MMRN2: variants seen among roughly 807,000 people sequenced by gnomAD.
MMRN2 encodes multimerin 2, also known as multimerin-2.
Under a neutral mutation model 68.8 loss-of-function variants are expected in MMRN2, and 53 were observed. That is an observed-to-expected ratio of 0.77 (90% CI 0.62 to 0.97). The LOEUF (loss-of-function observed/expected upper bound fraction) is 0.97. MMRN2 is among the 50% of genes least tolerant of loss of function. The probability of loss-of-function intolerance (pLI) is 0.00; values close to 1 mark genes in which losing one functional copy is unlikely to be tolerated. For synonymous variants in MMRN2, 564 were observed against 551.6 expected (o/e 1.02, Z -0.32); for missense variants, 1,266 against 1,259.5 (o/e 1.01, Z -0.08).
intron 6 of MMRN2, among the ~76,000 whole-genome samples, chr10:86,941,669 A>G (rs777267358): frequency 2.0e-5 from 3 of 151,924 alleles, no homozygotes; most frequent in Admixed American, 6.6e-5. Context: ...ATGGTGACAC[A>G]TGCCTGTAAG....
At position 86,942,448 on chromosome 10, in the gene MMRN2, CTGCTCAGCAT is replaced by C; in HGVS notation, c.2326_2335del (p.Met776GlyfsTer64). 6.2e-7 allele frequency: 1 copy of C among 1,614,194 alleles called. No homozygotes were observed. The highest frequency in any genetic ancestry group is 8.5e-7 in the Non-Finnish European group (1 of 1,180,030). ...GTCTTTCTGCTGCTTCTTCCCTTTC[CTGCTCAGCAT>C]GGTCTGCAGCTTCCCCAGGTCCAGG... On this transcript the variant is annotated frameshift_variant, in exon 6 of 7. Coordinates refer to ENST00000372027, the MANE Select transcript of MMRN2 (RefSeq NM_024756.3). LOFTEE classifies it high-confidence loss of function.
Position 86,945,679 on chromosome 10 carries a change from G to A in MMRN2, c.175C>T (p.Pro59Ser). 1 of 1,614,050 alleles carries A rather than the reference G, an allele frequency of 6.2e-7. No individual in the cohort carries two copies. Among genetic ancestry groups the A allele is most frequent in the Non-Finnish European group, 8.5e-7 (1 of 1,180,036 alleles). ...GKDPVGRNWC[P>S]YPMSKLVTLL... is the part of the protein sequence containing the mutation. ...GTGACCAGCTTGGACATTGGGTAGGGGCACCAGTTACTGGAAAACAAGCCA... is the reference window on the plus strand; with the variant it reads ...GTGACCAGCTTGGACATTGGGTAGGAGCACCAGTTACTGGAAAACAAGCCA... Residue 59 changes from proline to serine, a missense_variant, in exon 2 of 7, where the codon CCC becomes TCC. By Grantham distance (74) the Pro-to-Ser change is moderately conservative (BLOSUM62 -1). Coordinates refer to ENST00000372027, the MANE Select transcript of MMRN2 (RefSeq NM_024756.3).
At position 86,955,316 on chromosome 10, in the gene MMRN2, C is replaced by A. The variant is rs370514319; in HGVS notation, c.164+2062G>T. 7.7e-4 allele frequency among the ~76,000 whole-genome samples: 117 copies of A among 152,306 alleles called. 1 individual carries two copies. The highest frequency in any genetic ancestry group is 2.7e-3 in the African/African-American group (114 of 41,570). On this transcript the variant is annotated intron_variant, in intron 1 of 6. Transcript: ENST00000372027. ...GGGCACAGAAACAGCCTCTTCCTCC[C>A]GGAGTCCTAATGCTCAGGCTGCTGG...
At chr10:86,937,210 C>A in intron 6 of MMRN2, 85 bp from the exon 7 acceptor site, 8 of 1,425,840 alleles carry the variant, frequency 5.6e-6, no homozygotes, top group Non-Finnish European at 7.6e-6. Flanking sequence ...CCGTCCTCAC[C>A]TTATTAGCAA....
chr10:86,937,002 G>C lies in MMRN2; in HGVS notation c.2591C>G (p.Ala864Gly), dbSNP rs766427968. ...AAACAGGTAGACACCACGCTCAGGG[G>C]CTCGGAAGTAGCCATGTTCAGGGAA... ...SYFPEHGYFRAPERGVYLFAV... is the reference protein window; with the variant it reads ...SYFPEHGYFRGPERGVYLFAV... The change falls in exon 7 of 7, where the codon GCC becomes GGC. Residue 864 changes from alanine (A) to glycine (G), a missense_variant. Coordinates refer to ENST00000372027, the MANE Select transcript of MMRN2 (RefSeq NM_024756.3). The C allele has an allele frequency of 6.2e-7, 1 of 1,614,110 alleles. No individual in the cohort carries two copies. Among genetic ancestry groups the C allele is most frequent in the African/African-American group, 1.3e-5 (1 of 74,936 alleles).
intron 1 of MMRN2, among the ~76,000 whole-genome samples, chr10:86,953,196 C>A (rs889046640): frequency 6.6e-6 from 1 of 152,012 alleles, no homozygotes; most frequent in Non-Finnish European, 1.5e-5. Flanking sequence ...GTACAGTTAA[C>A]GCAAAATCAC....
Position 86,943,861 on chromosome 10 carries a change from C to T in MMRN2, c.923G>A (p.Arg308Gln), listed in dbSNP as rs376011130. 57 of 1,613,646 alleles carry T rather than the reference C, an allele frequency of 3.5e-5. No individual in the cohort carries two copies. The highest frequency in any genetic ancestry group is 1.0e-4 in the Admixed American group (6 of 60,012). ...QENTQRVGQL[R>Q]QDVEDRLHAQ... ...GTGCAGGCGGTCCTCCACGTCCTGT[C>T]GCAGCTGACCCACTCTCTGAGTGTT... The change falls in exon 6 of 7, where the codon CGA (arginine) becomes CAA (glutamine). Residue 308 changes from arginine (R) to glutamine (Q), a missense_variant. Transcript: ENST00000372027. The surrounding 1 kb of genome is among the most constrained non-coding windows in gnomAD (Gnocchi z 4.2).
rs1554893315 is a variant in MMRN2 at position 86,939,835 on chromosome 10, G to GTT, written c.2467+2481_2467+2482insAA. Among the ~76,000 whole-genome samples, 294 of 132,294 alleles carry GTT rather than the reference G, an allele frequency of 2.2e-3. 3 individuals carry two copies. The highest frequency in any genetic ancestry group is 7.9e-3 in the African/African-American group (280 of 35,290). The allele number at this position is 132,294 out of a possible 152,430, so 86.8% of individuals were successfully genotyped here. ...TGTGTGTGTGTGTGTGTGTGTGTGT[G>GTT]TGTTTGTGTGTGTGTGTGTGTGTGT... On this transcript the variant is annotated intron_variant, in intron 6 of 6. Transcript: ENST00000372027.
chr10:86,957,349 G>C, intron 1 of MMRN2, 29 bp downstream of exon 1: 1 of 1,610,974 alleles, frequency 6.2e-7, no homozygotes, highest in Non-Finnish European at 8.5e-7. Context: ...CCTACTCCAT[G>C]ACCTCTGCCA....
intron 4 of MMRN2, 53 bp from the exon 5 acceptor site, chr10:86,944,488 G>T: frequency 1.3e-6 from 2 of 1,590,812 alleles, no homozygotes; most frequent in Non-Finnish European, 1.7e-6. Flanking sequence ...GGCCTGGGAA[G>T]ATCACAAGGT....
At chr10:86,952,931 G>T (rs953395421) in intron 1 of MMRN2, among the ~76,000 whole-genome samples, 16 of 152,042 alleles carry the variant, frequency 1.1e-4, no homozygotes, top group African/African-American at 3.9e-4. Flanking sequence ...AGACCTCCCC[G>T]CAGGAATGTA....
Position 86,944,432 on chromosome 10 carries a change from T to C in MMRN2, c.485A>G (p.His162Arg), listed in dbSNP as rs1280475121. The C allele has an allele frequency of 6.2e-6, 10 of 1,613,534 alleles. No homozygotes were observed. Among genetic ancestry groups the C allele is most frequent in the Non-Finnish European group, 8.5e-6 (10 of 1,179,992 alleles). The change falls in exon 5 of 7, where the codon CAC becomes CGC. Residue 162 changes from histidine to arginine, a missense_variant. Coordinates refer to ENST00000372027, the MANE Select transcript of MMRN2 (RefSeq NM_024756.3). ...QDGPVSFKPGHLAAVINEVEV... is the reference protein window; with the variant it reads ...QDGPVSFKPGRLAAVINEVEV... ...AACCTCATTGATCACTGCAGCAAGGTGGCCTAAATACACAGCAGACATAAA... is the reference window on the plus strand; with the variant it reads ...AACCTCATTGATCACTGCAGCAAGGCGGCCTAAATACACAGCAGACATAAA...
At position 86,936,827 on chromosome 10, in the gene MMRN2, T is replaced by C. The variant is rs2133672039; in HGVS notation, c.2766A>G (p.Val922=). 6.2e-7 allele frequency: 1 copy of C among 1,614,208 alleles called. No homozygotes were observed. Among genetic ancestry groups the C allele is most frequent in the Non-Finnish European group, 8.5e-7 (1 of 1,180,038 alleles). The change falls in exon 7 of 7, where the codon GTA becomes GTG. Residue 922 remains valine, a synonymous_variant. Transcript: ENST00000372027. ...TTGATCCCTGGGTTAACTCAAACCA[T>C]ACTCGCTCACCCTTCTGCAGCTCAG... ...AMAELQKGER[V]WFELTQGSIT...
chr10:86,947,210 C>A (rs891432941), intron 1 of MMRN2, among the ~76,000 whole-genome samples: 2 of 152,066 alleles, frequency 1.3e-5, no homozygotes, highest in African/African-American at 4.8e-5. Context: ...GAGAAGTGGC[C>A]ACATTTGTGG....
intron 1 of MMRN2, among the ~76,000 whole-genome samples, chr10:86,952,194 G>C (rs1170558017): frequency 2.6e-5 from 4 of 152,324 alleles, no homozygotes; most frequent in African/African-American, 9.6e-5. Context: ...CCAGGAAGGG[G>C]CCAGTGCATC....
intron 4 of MMRN2, among the ~76,000 whole-genome samples, chr10:86,944,930 A>G (rs1179874833): frequency 6.6e-6 from 1 of 152,220 alleles, no homozygotes; most frequent in Admixed American, 6.5e-5. Flanking sequence ...CAGCGGGGCA[A>G]GGAAAGTGCC....
chr10:86,936,359 G>A lies in MMRN2; in HGVS notation c.*384C>T. The A allele has an allele frequency of 2.3e-6, 1 of 441,904 alleles. No homozygotes were observed. Among genetic ancestry groups the A allele is most frequent in the East Asian group, 3.2e-5 (1 of 31,334 alleles). The allele number at this position is 441,904 out of a possible 1,614,324, so 27.4% of individuals were successfully genotyped here. On this transcript the variant is annotated 3_prime_UTR_variant, in exon 7 of 7. Transcript: ENST00000372027. ...TTCTATCATACGATAAGGGAGAAGA[G>A]AAGAGGAAGCAAGAGAAAAGTTTAA...
chr10:86,942,864 G>T lies in MMRN2; in HGVS notation c.1920C>A (p.Ala640=), dbSNP rs1460227594. 2 of 1,414,126 alleles carry T rather than the reference G, an allele frequency of 1.4e-6. No homozygotes were observed. Among genetic ancestry groups the T allele is most frequent in the East Asian group, 5.9e-5 (2 of 33,868 alleles). The allele number at this position is 1,414,126 out of a possible 1,614,324, so 87.6% of individuals were successfully genotyped here. A position where few individuals can be genotyped will look rare whatever the true frequency, so the allele number is the denominator to read the frequency against. The change falls in exon 6 of 7, where the codon GCC becomes GCA. Residue 640 remains alanine, a synonymous_variant. Coordinates refer to ENST00000372027, the MANE Select transcript of MMRN2 (RefSeq NM_024756.3). The part of the protein sequence containing the change: ...LPLSYEQIRV[A]LQDAASGLQE... ...GCAGCCCGCTAGCGGCGTCCTGCAG[G>T]GCCACGCGGATCTGCTCGTAGCTCA...
intron 1 of MMRN2, among the ~76,000 whole-genome samples, chr10:86,952,047 AAAAG>A (rs1844151519): frequency 6.6e-6 from 1 of 152,196 alleles, no homozygotes; most frequent in Non-Finnish European, 1.5e-5. Context: ...TCAAAAGAAA[AAAAG>A]AAAGAACATT....
Sources: allele counts gnomAD v4.1 joint callset (sites outside exome capture counted in the v4.1 genomes callset), GRCh38; gene constraint gnomAD v4.1.1; non-coding constraint Gnocchi (gnomAD v3.1); transcripts MANE v1.5; gene names NCBI Gene and HGNC (gene_info 2026-07-23, HGNC 2026-07-21).